TMOD3: variants seen among roughly 807,000 people sequenced by gnomAD.
TMOD3 encodes tropomodulin 3.
In TMOD3, 20 loss-of-function variants were observed where a neutral mutation model predicts 39.2. That is an observed-to-expected ratio of 0.51 (90% CI 0.36 to 0.74). The LOEUF (loss-of-function observed/expected upper bound fraction) is 0.74, where lower values mean the gene tolerates loss of function less well. Among genes scored for constraint, TMOD3 ranks in the 30% least tolerant of loss-of-function variants. TMOD3 has a pLI of 0.00. For synonymous variants in TMOD3, 143 were observed against 145.8 expected (o/e 0.98, Z 0.14); for missense variants, 381 against 412.8 (o/e 0.92, Z 0.67).
chr15:51,894,157 T>G (rs569339204), intron 6 of TMOD3, among the ~76,000 whole-genome samples: 1 of 152,258 alleles, frequency 6.6e-6, no homozygotes, highest in African/African-American at 2.4e-5. Flanking sequence ...ATTTATCATC[T>G]AAAAATGTAA....
chr15:51,882,852 T>C (rs1430667815), intron 3 of TMOD3, among the ~76,000 whole-genome samples: 2 of 152,200 alleles, frequency 1.3e-5, no homozygotes, highest in Non-Finnish European at 2.9e-5. Context: ...AAAGGGATTG[T>C]GTAAATCTAT....
At chr15:51,885,581 A>G (rs1810585814) in intron 3 of TMOD3, among the ~76,000 whole-genome samples, 1 of 152,198 alleles carries the variant, frequency 6.6e-6, no homozygotes, top group African/African-American at 2.4e-5. Context: ...GACACAGCAC[A>G]TGTTTCAGAG....
At chr15:51,884,195 A>G (rs572678475) in intron 3 of TMOD3, among the ~76,000 whole-genome samples, 23 of 152,238 alleles carry the variant, frequency 1.5e-4, no homozygotes, top group Admixed American at 4.6e-4. Flanking sequence ...TATTTAAATT[A>G]CACTTTATGA....
At chr15:51,900,069 A>ATGTT in intron 7 of TMOD3, 86 bp from the exon 8 acceptor site, 1 of 1,300,748 alleles carries the variant, frequency 7.7e-7, no homozygotes, top group Non-Finnish European at 1.1e-6. Context: ...TAAGGCAGTT[A>ATGTT]ATTAATGTAT....
At chr15:51,880,930 C>G (rs189274430) in intron 3 of TMOD3, among the ~76,000 whole-genome samples, 1 of 152,188 alleles carries the variant, frequency 6.6e-6, no homozygotes, top group African/African-American at 2.4e-5. Flanking sequence ...ATTGTACCTT[C>G]TCACCAGTAA....
intron 9 of TMOD3, among the ~76,000 whole-genome samples, chr15:51,904,585 C>T (rs1372099212): frequency 6.6e-6 from 1 of 152,190 alleles, no homozygotes; most frequent in South Asian, 2.1e-4. Context: ...CAGGTGATTC[C>T]AGCAGCTGTC....
chr15:51,880,472 C>T (rs1003844411), intron 3 of TMOD3, among the ~76,000 whole-genome samples: 18 of 152,204 alleles, frequency 1.2e-4, no homozygotes, highest in African/African-American at 3.9e-4. Context: ...AAACCCTGTG[C>T]ACGTTAGCAG....
In TMOD3 at chr15:51,902,084, G is replaced by A. The variant is rs144393680; in HGVS notation, c.1024+48G>A. The stretch of plus-strand genomic sequence containing the variant: ...TTTCTGAGTTCTATCACAAGCTAAC[G>A]TATTGGGGGAACTTCTTTCCCTCTT... On this transcript the variant is annotated intron_variant, in intron 9 of 9. Transcript: ENST00000308580. 1.9e-4 allele frequency: 306 copies of A among 1,591,812 alleles called. No homozygotes were observed. The African/African-American group carries it at 3.3e-3, about 17-fold the overall frequency.
At chr15:51,834,810 G>C (rs968895700) in intron 1 of TMOD3, among the ~76,000 whole-genome samples, 1 of 152,220 alleles carries the variant, frequency 6.6e-6, no homozygotes, top group African/African-American at 2.4e-5. Flanking sequence ...CTGAGGGCCA[G>C]AGTAAGACCC....
At chr15:51,888,418 G>A (rs1274701815) in intron 4 of TMOD3, among the ~76,000 whole-genome samples, 2 of 152,158 alleles carry the variant, frequency 1.3e-5, no homozygotes, top group East Asian at 3.8e-4. Context: ...ACGGGTTGAG[G>A]GACTGAAGAC....
chr15:51,904,136 C>T (rs2056666188), intron 9 of TMOD3, among the ~76,000 whole-genome samples: 1 of 152,210 alleles, frequency 6.6e-6, no homozygotes, highest in Admixed American at 6.5e-5. Context: ...GCTTGTTTCT[C>T]CAGTATTGAG....
At chr15:51,832,194 GAA>G (rs1291309232) in intron 1 of TMOD3, among the ~76,000 whole-genome samples, 2 of 64,858 alleles carry the variant, frequency 3.1e-5, no homozygotes, top group Non-Finnish European at 6.7e-5. Flanking sequence ...TCTAAAAAAA[GAA>G]AAAAAATTAT....
chr15:51,887,448 C>A, intron 3 of TMOD3, 141 bp from the exon 4 acceptor site: 1 of 889,060 alleles, frequency 1.1e-6, no homozygotes, highest in East Asian at 2.7e-5. Context: ...ACTTAAAAAT[C>A]TATGTCAGAG....
intron 3 of TMOD3, among the ~76,000 whole-genome samples, chr15:51,871,816 A>C (rs770701534): frequency 7.9e-5 from 12 of 152,196 alleles, no homozygotes; most frequent in Non-Finnish European, 1.8e-4. Flanking sequence ...TTTACTTCTT[A>C]CTTTAGGTTT....
chr15:51,856,248 A>T (rs897228918), intron 1 of TMOD3, among the ~76,000 whole-genome samples: 2 of 152,180 alleles, frequency 1.3e-5, no homozygotes, highest in African/African-American at 2.4e-5. Context: ...GGGTAACAGA[A>T]TGAGACCTTG....
In TMOD3 at chr15:51,889,056, C is replaced by G. The variant is rs754565178; in HGVS notation, c.407C>G (p.Ala136Gly). The change falls in exon 5 of 10, where the codon GCA becomes GGA. Residue 136 changes from alanine to glycine, a missense_variant and splice_region_variant. Ala to Gly is a moderately conservative substitution (Grantham distance 60). Transcript: ENST00000308580. ...AAACTTTCTTTTTCTGTATTTATAG[C>G]AATTCTTGGGATGCACAATTTGATA... ...ASDTELCDLA[A>G]ILGMHNLITN... is the part of the protein sequence containing the mutation. 4 of 1,564,322 alleles carry G rather than the reference C, an allele frequency of 2.6e-6. No homozygotes were observed. The highest frequency in any genetic ancestry group is 3.5e-6 in the Non-Finnish European group (4 of 1,157,350).
intron 1 of TMOD3, among the ~76,000 whole-genome samples, chr15:51,843,135 T>A (rs747983742): frequency 6.6e-6 from 1 of 152,150 alleles, no homozygotes; most frequent in African/African-American, 2.4e-5. Context: ...AAAAGAGTAG[T>A]CAGAGTTGGA....
At chr15:51,887,215 C>A (rs1236212734) in intron 3 of TMOD3, among the ~76,000 whole-genome samples, 1 of 139,992 alleles carries the variant, frequency 7.1e-6, no homozygotes, top group Admixed American at 7.2e-5. Context: ...AGTGAGACTC[C>A]ATCTCAAAAA....
intron 1 of TMOD3, among the ~76,000 whole-genome samples, chr15:51,858,855 A>G (rs2056401611): frequency 2.0e-5 from 3 of 152,138 alleles, no homozygotes; most frequent in Non-Finnish European, 4.4e-5. Flanking sequence ...TTAAATCAGC[A>G]GTTCTCTTTC....
Sources: allele counts gnomAD v4.1 joint callset (sites outside exome capture counted in the v4.1 genomes callset), GRCh38; gene constraint gnomAD v4.1.1; transcripts MANE v1.5; gene names NCBI Gene and HGNC (gene_info 2026-07-23, HGNC 2026-07-21).